The following SLC9A3 variants were observed in gnomAD, a reference collection of about 807,000 sequenced individuals.
SLC9A3 encodes sodium/hydrogen exchanger 3.
In SLC9A3, 37 loss-of-function variants were observed where a neutral mutation model predicts 86.8. The observed-to-expected ratio is 0.43, with a 90% CI of 0.33 to 0.56. The LOEUF (loss-of-function observed/expected upper bound fraction) is 0.56, where lower values mean the gene tolerates loss of function less well. Ranked by LOEUF, SLC9A3 falls within the 20% of genes least tolerant of loss-of-function variation. The pLI, the probability that SLC9A3 is intolerant of heterozygous loss-of-function variation, is 0.06. For missense variants in SLC9A3, 1,011 were observed against 1,171.9 expected (o/e 0.86, Z 2.00); for synonymous variants, 581 against 528.3 (o/e 1.10, Z -1.37).
chr5:505,789 G>A (rs1411644209), intron 1 of SLC9A3, among the ~76,000 whole-genome samples: 1 of 127,010 alleles, frequency 7.9e-6, no homozygotes, highest in Admixed American at 7.8e-5. Flanking sequence ...GTGGGGGGTG[G>A]GTGGGGAGTG....
chr5:510,070 G>A (rs370953107), intron 1 of SLC9A3, among the ~76,000 whole-genome samples: 13 of 152,244 alleles, frequency 8.5e-5, no homozygotes, highest in African/African-American at 2.9e-4. Flanking sequence ...GGGCTGGACC[G>A]GGGAGCCGCT....
intron 16 of SLC9A3, among the ~76,000 whole-genome samples, chr5:474,409 A>G (rs1406486310): frequency 2.0e-5 from 1 of 50,132 alleles, no homozygotes; most frequent in East Asian, 4.5e-4. Context: ...AGAGAGAACC[A>G]GGTTCAGGTC....
intron 3 of SLC9A3, among the ~76,000 whole-genome samples, chr5:487,015 GCACTGACACCCACCACACTGACACCC>G (rs1406284054): frequency 3.2e-5 from 1 of 31,618 alleles, no homozygotes. Context: ...GATCCAGACC[GCACTGACACCCACCACACTGACACCC>G]ACCGCACTGA....
chr5:484,992 C>G (rs1222908615), intron 4 of SLC9A3, among the ~76,000 whole-genome samples, 161 bp downstream of exon 4: 1 of 152,246 alleles, frequency 6.6e-6, no homozygotes, highest in Non-Finnish European at 1.5e-5. Context: ...CATGTCAAAT[C>G]GTGTGTGAAT....
chr5:519,573 G>A (rs371892061), intron 1 of SLC9A3, among the ~76,000 whole-genome samples: 4 of 152,330 alleles, frequency 2.6e-5, no homozygotes, highest in African/African-American at 9.6e-5. Flanking sequence ...CAGTGGCGGA[G>A]GCTCCCTGGG....
At chr5:523,860 C>G (rs1483988867) in intron 1 of SLC9A3, among the ~76,000 whole-genome samples, 1 of 152,166 alleles carries the variant, frequency 6.6e-6, no homozygotes, top group Non-Finnish European at 1.5e-5. Context: ...CCCACAGGGA[C>G]CCGGGAGCCG....
intron 1 of SLC9A3, among the ~76,000 whole-genome samples, chr5:522,562 C>A (rs1331953292): frequency 6.6e-6 from 1 of 152,094 alleles, no homozygotes; most frequent in Non-Finnish European, 1.5e-5. Flanking sequence ...GAGTTCAAGA[C>A]CAGCCTGACC....
chr5:524,361 C>CG lies in SLC9A3; in HGVS notation c.-40dup, dbSNP rs1275948479. 3.1e-6 allele frequency: 3 copies of CG among 965,190 alleles called. No homozygotes were observed. The highest frequency in any genetic ancestry group is 2.6e-6 in the Non-Finnish European group (2 of 763,570). The allele number at this position is 965,190 out of a possible 1,614,324, so 59.8% of individuals were successfully genotyped here. A position where few individuals can be genotyped will look rare whatever the true frequency, so the allele number is the denominator to read the frequency against. ...GCGCAGGGCTGGGACGCGCATGTCG[C>CG]GGGGGGTCCCGGCTGGGCTGGGCCG... On this transcript the variant is annotated 5_prime_UTR_variant, in exon 1 of 17. Coordinates refer to ENST00000264938, the MANE Select transcript of SLC9A3 (RefSeq NM_004174.4).
chr5:514,630 G>A (rs1733671047), intron 1 of SLC9A3, among the ~76,000 whole-genome samples: 1 of 152,244 alleles, frequency 6.6e-6, no homozygotes, highest in South Asian at 2.1e-4. Context: ...GGTCAGCCCC[G>A]TGTCCTCTGC....
At position 513,410 on chromosome 5, in the gene SLC9A3, G is replaced by C. The variant is rs188734558; in HGVS notation, c.211+10702C>G. On this transcript the variant is annotated intron_variant, in intron 1 of 16. Transcript: ENST00000264938. The stretch of plus-strand genomic sequence containing the variant: ...GTGCTAGATGGGCCTTCACACATGG[G>C]AGCCCCCACCCCCTGCTCTAACAGA... Among the ~76,000 whole-genome samples the C allele has an allele frequency of 1.3e-4, 20 of 152,268 alleles. No individual in the cohort carries two copies. In the East Asian group the frequency reaches 3.7e-3, roughly 28 times the overall value.
intron 1 of SLC9A3, among the ~76,000 whole-genome samples, chr5:517,515 C>G (rs1367490169): frequency 6.6e-6 from 1 of 151,844 alleles, no homozygotes; most frequent in Non-Finnish European, 1.5e-5. Context: ...TCCAGCTATC[C>G]ATTCACTCAT....
rs61066982 is a variant in SLC9A3 at position 521,568 on chromosome 5, T to A, written c.211+2544A>T. ...AGCTCTTTTCTGCTGGAAGAGACAT[T>A]TCTGTTCGTGTAACTTGAGACTGAA... On this transcript the variant is annotated intron_variant, in intron 1 of 16. Transcript: ENST00000264938. Among the ~76,000 whole-genome samples, 540 of 152,310 alleles carry A rather than the reference T, an allele frequency of 3.5e-3. 5 individuals carry two copies. Among genetic ancestry groups the A allele is most frequent in the African/African-American group, 0.012 (516 of 41,560 alleles).
intron 6 of SLC9A3, 29 bp from the exon 7 acceptor site, chr5:482,779 C>A: frequency 6.5e-7 from 1 of 1,546,272 alleles, no homozygotes; most frequent in Non-Finnish European, 8.8e-7. Flanking sequence ...GCACTCAGCT[C>A]CCCGGCCGCC....
chr5:492,568 C>T (rs1022466316), intron 1 of SLC9A3, among the ~76,000 whole-genome samples: 3 of 151,884 alleles, frequency 2.0e-5, no homozygotes, highest in African/African-American at 7.3e-5. Context: ...GAGGAGAGTG[C>T]AGGGGCAGCT....
intron 11 of SLC9A3, 64 bp downstream of exon 11, chr5:477,268 T>C: frequency 8.3e-7 from 1 of 1,206,408 alleles, no homozygotes; most frequent in Non-Finnish European, 1.2e-6. Flanking sequence ...CAGCCCTGTC[T>C]GTGACTCTCA....
intron 1 of SLC9A3, among the ~76,000 whole-genome samples, chr5:506,648 T>C (rs1184505949): frequency 6.6e-6 from 1 of 152,220 alleles, no homozygotes; most frequent in Non-Finnish European, 1.5e-5. Flanking sequence ...TTTCCTATGA[T>C]AATCTCGACT....
intron 1 of SLC9A3, among the ~76,000 whole-genome samples, chr5:494,696 G>A (rs567169898): frequency 7.2e-4 from 109 of 152,288 alleles, no homozygotes; most frequent in African/African-American, 2.6e-3. Flanking sequence ...GCCCGGTGCC[G>A]GCGCCTGCCC....
rs1012046983 is a variant in SLC9A3, at chr5:491,457, G to A, written c.514+312C>T. Among the ~76,000 whole-genome samples, 7 of 152,018 alleles carry A rather than the reference G, an allele frequency of 4.6e-5. No individual in the cohort carries two copies. The highest frequency in any genetic ancestry group is 8.8e-5 in the Non-Finnish European group (6 of 67,988). ...CTCCTCTCCCTGGGACCTGGTGGCC[G>A]GCGAGTGTGGACGGACCCCTACCTC... On this transcript the variant is annotated intron_variant, in intron 2 of 16. Coordinates refer to ENST00000264938, the MANE Select transcript of SLC9A3 (RefSeq NM_004174.4). This position sits in a 1 kb window ranked among gnomAD's most constrained non-coding sequence, Gnocchi z 9.2.
At chr5:494,641 C>T (rs1157328990) in intron 1 of SLC9A3, among the ~76,000 whole-genome samples, 3 of 152,184 alleles carry the variant, frequency 2.0e-5, no homozygotes, top group Admixed American at 1.3e-4. Context: ...TGTAAATCCC[C>T]GCCTTGGTGT....
Sources: allele counts gnomAD v4.1 joint callset (sites outside exome capture counted in the v4.1 genomes callset), GRCh38; gene constraint gnomAD v4.1.1; non-coding constraint Gnocchi (gnomAD v3.1); transcripts MANE v1.5; gene names NCBI Gene and HGNC (gene_info 2026-07-23, HGNC 2026-07-21).